The following DTNA variants were observed in gnomAD, a reference collection of about 807,000 sequenced individuals.
DTNA encodes the protein dystrobrevin alpha, also known as dystrophin-related protein 3.
In DTNA, 43 loss-of-function variants were observed where a neutral mutation model predicts 100.7. The ratio of observed to expected loss-of-function variants is 0.43; its 90% confidence interval spans 0.33 to 0.55. The LOEUF is 0.55. DTNA is among the 20% of genes least tolerant of loss of function. The pLI, the probability that DTNA is intolerant of heterozygous loss-of-function variation, is 0.04. For missense variants in DTNA, 798 were observed against 953.9 expected (o/e 0.84, Z 2.15); for synonymous variants, 349 against 347.9 (o/e 1.00, Z -0.04).
Position 34,889,367 on chromosome 18 carries a change from G to A in DTNA, c.*1633G>A. 1 of 984,628 alleles carries A rather than the reference G, an allele frequency of 1.0e-6. No individual in the cohort carries two copies. Among genetic ancestry groups the A allele is most frequent in the Non-Finnish European group, 1.2e-6 (1 of 829,250 alleles). The allele number at this position is 984,628 out of a possible 1,614,324, so 61.0% of individuals were successfully genotyped here. A position where few individuals can be genotyped will look rare whatever the true frequency, so the allele number is the denominator to read the frequency against. Reference sequence around the variant, plus strand: ...CTCTGGGGGTTGGGTCCAGAAGTCTGTTTTAGTCAACCCTCTAGGTGATTC... The same window carrying A: ...CTCTGGGGGTTGGGTCCAGAAGTCTATTTTAGTCAACCCTCTAGGTGATTC... On this transcript the variant is annotated 3_prime_UTR_variant, in exon 23 of 23. Coordinates refer to ENST00000444659, the MANE Select transcript of DTNA (RefSeq NM_001386795.1).
intron 1 of DTNA, among the ~76,000 whole-genome samples, chr18:34,723,735 C>A (rs2147052041): frequency 6.6e-6 from 1 of 152,068 alleles, no homozygotes; most frequent in Non-Finnish European, 1.5e-5. Context: ...CCCATCTCCA[C>A]CAAAAATACA....
chr18:34,637,880 T>G (rs2058829193), intron 1 of DTNA, among the ~76,000 whole-genome samples: 1 of 152,238 alleles, frequency 6.6e-6, no homozygotes, highest in South Asian at 2.1e-4. Context: ...AGCACTGAGC[T>G]AAGCATATAT....
At chr18:34,775,252 C>T (rs943098966) in intron 3 of DTNA, among the ~76,000 whole-genome samples, 4 of 152,072 alleles carry the variant, frequency 2.6e-5, no homozygotes, top group Non-Finnish European at 4.4e-5. Flanking sequence ...TTTGGGAGGC[C>T]GAGGCGGGCG....
intron 1 of DTNA, among the ~76,000 whole-genome samples, chr18:34,567,822 A>G (rs1057361730): frequency 1.3e-5 from 2 of 152,198 alleles, no homozygotes; most frequent in Admixed American, 6.5e-5. Context: ...TATGTAACTA[A>G]TTAGAATTTA....
chr18:34,812,384 T>C (rs1013821409), intron 6 of DTNA, among the ~76,000 whole-genome samples: 3 of 152,164 alleles, frequency 2.0e-5, no homozygotes, highest in Admixed American at 6.5e-5. Flanking sequence ...ACAACAACCC[T>C]TCTGTGTTAG....
At chr18:34,720,396 C>A (rs2085033018) in intron 1 of DTNA, among the ~76,000 whole-genome samples, 1 of 152,178 alleles carries the variant, frequency 6.6e-6, no homozygotes, top group African/African-American at 2.4e-5. Flanking sequence ...AATGAAAGAA[C>A]AATGCCTCTG....
rs796919278 is a variant in DTNA at position 34,581,624 on chromosome 18, T to G, written c.-2+88110T>G. 2.6e-3 allele frequency among the ~76,000 whole-genome samples: 320 copies of G among 121,628 alleles called. 2 individuals are homozygous for G. Among genetic ancestry groups the G allele is most frequent in the African/African-American group, 9.1e-3 (237 of 25,948 alleles). 79.8% of individuals were successfully genotyped at this position (121,628 alleles called of 152,430 possible). A position where few individuals can be genotyped will look rare whatever the true frequency, so the allele number is the denominator to read the frequency against. ...CAGTCAGGCATGCCCCTAGTTAGTT[T>G]TTTTTTTTTTTTTTTGTGACGGAGT... On this transcript the variant is annotated intron_variant, in intron 1 of 19. Transcript: ENST00000283365.
rs71379572 is a variant in DTNA at position 34,510,112 on chromosome 18, G to GT, written c.-2+16611dup. ...GTGTGTGGTTTTTTTGGTTGTTGTTGTTTTTTTTTTTTTAAGTCTGAGCTT... is the reference window on the plus strand; with the variant it reads ...GTGTGTGGTTTTTTTGGTTGTTGTTGTTTTTTTTTTTTTTAAGTCTGAGCTT... On this transcript the variant is annotated intron_variant, in intron 1 of 19. Transcript: ENST00000283365. Among the ~76,000 whole-genome samples, 630 of 123,436 alleles carry GT rather than the reference G, an allele frequency of 5.1e-3. 2 individuals carry two copies. The highest frequency in any genetic ancestry group is 6.7e-3 in the Non-Finnish European group (370 of 55,042). The allele number at this position is 123,436 out of a possible 152,430, so 81.0% of individuals were successfully genotyped here.
intron 1 of DTNA, among the ~76,000 whole-genome samples, chr18:34,661,336 A>C (rs1401702603): frequency 2.0e-5 from 3 of 152,276 alleles, no homozygotes; most frequent in Non-Finnish European, 2.9e-5. Context: ...TTTGCCCATA[A>C]AACTTAGTGT....
chr18:34,591,052 G>A (rs1011970773), intron 1 of DTNA, among the ~76,000 whole-genome samples: 1 of 152,064 alleles, frequency 6.6e-6, no homozygotes, highest in African/African-American at 2.4e-5. Context: ...GTAACAGTTC[G>A]ATAAGGAAAA....
At chr18:34,685,694 TG>T (rs2078789632) in intron 1 of DTNA, among the ~76,000 whole-genome samples, 1 of 152,212 alleles carries the variant, frequency 6.6e-6, no homozygotes, top group African/African-American at 2.4e-5. Context: ...GGTAGCTTGA[TG>T]GGAATGGCAT....
chr18:34,883,119 G>A (rs921412808), intron 21 of DTNA, among the ~76,000 whole-genome samples: 1 of 152,184 alleles, frequency 6.6e-6, no homozygotes, highest in Non-Finnish European at 1.5e-5. Context: ...CCCCATGGAG[G>A]TCGTTCTACT....
intron 1 of DTNA, among the ~76,000 whole-genome samples, chr18:34,581,695 A>G (rs1235964174): frequency 7.0e-6 from 1 of 143,016 alleles, no homozygotes; most frequent in Non-Finnish European, 1.5e-5. Flanking sequence ...ATCTCGGCTC[A>G]CTGCACCCTC....
At chr18:34,507,191 A>G (rs951187385) in intron 1 of DTNA, among the ~76,000 whole-genome samples, 1 of 152,092 alleles carries the variant, frequency 6.6e-6, no homozygotes, top group African/African-American at 2.4e-5. Flanking sequence ...GCATAGTTGG[A>G]GATTTCCCCC....
chr18:34,556,335 C>T (rs1234397381), intron 1 of DTNA, among the ~76,000 whole-genome samples: 1 of 152,186 alleles, frequency 6.6e-6, no homozygotes, highest in Non-Finnish European at 1.5e-5. Flanking sequence ...ATTTGCCAGT[C>T]TGTGTCTTTT....
chr18:34,560,957 T>C (rs770668671), intron 1 of DTNA, among the ~76,000 whole-genome samples: 2 of 152,184 alleles, frequency 1.3e-5, no homozygotes, highest in Non-Finnish European at 2.9e-5. Context: ...CTTGATTTCT[T>C]TCCATTAAAT....
chr18:34,829,524 A>G (rs2095949423), intron 11 of DTNA, 35 bp downstream of exon 11: 2 of 1,487,638 alleles, frequency 1.3e-6, no homozygotes, highest in Non-Finnish European at 1.8e-6. Flanking sequence ...TAATCGTAGT[A>G]GTAGTTCCAT....
At chr18:34,496,205 AAC>A (rs367764683) in intron 1 of DTNA, among the ~76,000 whole-genome samples, 22,692 of 138,408 alleles carry the variant, frequency 0.16, 1,902 homozygotes, top group South Asian at 0.22. Context: ...CCCTCCCTGC[AAC>A]ACACACACAC....
intron 1 of DTNA, among the ~76,000 whole-genome samples, chr18:34,652,234 A>G (rs769160724): frequency 1.2e-4 from 19 of 152,302 alleles, no homozygotes; most frequent in Non-Finnish European, 2.4e-4. Flanking sequence ...AAAGATCACC[A>G]GAAGGAATAG....
Sources: gnomAD v4.1 joint callset for allele counts (sites outside exome capture counted in the v4.1 genomes callset) on GRCh38, gnomAD v4.1.1 for gene constraint, MANE v1.5 for transcripts, NCBI Gene and HGNC (gene_info 2026-07-23, HGNC 2026-07-21) for gene names.